Variants in ZNF292 observed in about 807,000 individuals in gnomAD.
ZNF292 encodes the protein zinc finger protein 292, also known as 16 zinc-finger domain protein.
Under a neutral mutation model 217.9 loss-of-function variants are expected in ZNF292, and 26 were observed. That is an observed-to-expected ratio of 0.12 (90% confidence interval 0.09 to 0.17). ZNF292 has a LOEUF of 0.17. ZNF292 is among the 10% of genes least tolerant of loss of function. The probability of loss-of-function intolerance (pLI) is 1.00; values close to 1 mark genes in which losing one functional copy is unlikely to be tolerated. For missense variants in ZNF292, 2,904 were observed against 3,175.2 expected, an observed-to-expected ratio of 0.91 and a Z score of 2.05; for synonymous variants, 1,257 against 1,124.1, an observed-to-expected ratio of 1.12 and a Z score of -2.37.
chr6:87,200,564 A>G (rs1772074564), intron 1 of ZNF292, among the ~76,000 whole-genome samples: 1 of 152,228 alleles, frequency 6.6e-6, no homozygotes, highest in African/African-American at 2.4e-5. Context: ...CTTTGTGCCA[A>G]GGCATCAATG....
rs142431750 is a variant in ZNF292 at position 87,176,474 on chromosome 6, T to C, written c.168+20715T>C. Among the ~76,000 whole-genome samples, 1,438 of 152,284 alleles carry C rather than the reference T, an allele frequency of 9.4e-3. 19 individuals carry two copies. The highest frequency in any genetic ancestry group is 0.033 in the African/African-American group (1,354 of 41,560). On this transcript the variant is annotated intron_variant, in intron 1 of 7. Transcript: ENST00000369577. ...GGAATGAGGGTCTTATGACTTACTT[T>C]AGGGGAAGGTCAGAAAATTGTTTTA...
chr6:87,265,475 C>T lies in ZNF292; in HGVS notation c.*3674C>T, dbSNP rs1296893651. ...ACCTCAGGTGATCACCCACCTCCAC[C>T]TCCCAAAGTGCAGGTATTACAAGCA... On this transcript the variant is annotated 3_prime_UTR_variant, in exon 8 of 8. Coordinates refer to ENST00000369577, the MANE Select transcript of ZNF292 (RefSeq NM_015021.3). Among the ~76,000 whole-genome samples, 2 of 152,156 alleles carry T rather than the reference C, an allele frequency of 1.3e-5. No homozygotes were observed. Among genetic ancestry groups the T allele is most frequent in the Non-Finnish European group, 2.9e-5 (2 of 68,024 alleles).
chr6:87,159,496 T>C (rs948554351), intron 1 of ZNF292, among the ~76,000 whole-genome samples: 6 of 106,544 alleles, frequency 5.6e-5, no homozygotes, highest in Non-Finnish European at 1.1e-4. Context: ...CTTTTCTTTC[T>C]TTTTTTTTTT....
In ZNF292 at chr6:87,255,667, G is replaced by C; in HGVS notation, c.2038G>C (p.Glu680Gln). Residue 680 changes from glutamate to glutamine, a missense_variant, in exon 8 of 8, where the codon GAA (glutamate) becomes CAA (glutamine). This residue lies in a region of ZNF292 where 216 missense variants were observed against 308.3 expected (regional missense o/e 0.70). Coordinates refer to ENST00000369577, the MANE Select transcript of ZNF292 (RefSeq NM_015021.3). ...IPVQKPVPVN[E>Q]FNCPVTFCKK... The stretch of plus-strand genomic sequence containing the variant: ...AGTCCAGAAACCAGTACCTGTTAAT[G>C]AATTTAATTGCCCTGTAACTTTTTG... 6.2e-7 allele frequency: 1 copy of C among 1,613,224 alleles called. No individual in the cohort carries two copies. The highest frequency in any genetic ancestry group is 8.5e-7 in the Non-Finnish European group (1 of 1,179,542).
intron 1 of ZNF292, among the ~76,000 whole-genome samples, chr6:87,214,289 T>A (rs1175936603): frequency 2.0e-5 from 3 of 152,214 alleles, no homozygotes; most frequent in Admixed American, 1.3e-4. Flanking sequence ...ATTCCCCTCT[T>A]CCCCAGCATC....
intron 1 of ZNF292, among the ~76,000 whole-genome samples, chr6:87,178,928 CTTAT>C (rs1418943603): frequency 1.3e-5 from 2 of 152,008 alleles, no homozygotes; most frequent in Non-Finnish European, 2.9e-5. Context: ...TAGTAATACC[CTTAT>C]TTAAGAATGT....
At position 87,261,183 on chromosome 6, in the gene ZNF292, C is replaced by G. The variant is rs1419532772; in HGVS notation, c.7554C>G (p.Asn2518Lys). The G allele has an allele frequency of 1.2e-6, 2 of 1,612,972 alleles. No homozygotes were observed. Among genetic ancestry groups the G allele is most frequent in the Non-Finnish European group, 8.5e-7 (1 of 1,179,532 alleles). ...TAAGTAATGATTTTCAGGAAGATAACCTCTGCCAGTCAGAAAGACAAAAAG... is the reference window on the plus strand; with the variant it reads ...TAAGTAATGATTTTCAGGAAGATAAGCTCTGCCAGTCAGAAAGACAAAAAG... ...SNVSNDFQED[N>K]LCQSERQKAS... Residue 2518 changes from asparagine (N) to lysine (K), a missense_variant, in exon 8 of 8, where the codon AAC (asparagine) becomes AAG (lysine). Physicochemically the swap from Asn to Lys is moderately conservative, Grantham distance 94 (BLOSUM62 0). Around this residue, in one of 15 missense-constraint regions of ZNF292, gnomAD observed 380 missense variants for 355.3 expected, o/e 1.07. Transcript: ENST00000369577.
intron 1 of ZNF292, among the ~76,000 whole-genome samples, chr6:87,176,722 C>T (rs1771308981): frequency 6.6e-6 from 1 of 152,126 alleles, no homozygotes; most frequent in African/African-American, 2.4e-5. Flanking sequence ...TTCCTGATGA[C>T]CTGGTTGATA....
Position 87,243,563 on chromosome 6 carries a change from C to T in ZNF292, c.830C>T (p.Thr277Ile). The T allele has an allele frequency of 6.4e-7, 1 of 1,557,240 alleles. No individual in the cohort carries two copies. Residue 277 changes from threonine to isoleucine, a missense_variant, in exon 6 of 8, where the codon ACT (threonine) becomes ATT (isoleucine). Thr to Ile is a moderately conservative substitution (Grantham distance 89). Around this residue, in one of 15 missense-constraint regions of ZNF292, gnomAD observed 313 missense variants for 451.0 expected, o/e 0.69. Coordinates refer to ENST00000369577, the MANE Select transcript of ZNF292 (RefSeq NM_015021.3). ...GAAAAAAGCGCTCTTGTTTTATGTA[C>T]TGCGTTTTTGTCACGTCAGCTCCAA... ...GDEKSALVLC[T>I]AFLSRQLQQG... is the part of the protein sequence containing the mutation.
chr6:87,246,618 A>G (rs181143257), intron 7 of ZNF292, among the ~76,000 whole-genome samples: 1 of 152,366 alleles, frequency 6.6e-6, no homozygotes, highest in East Asian at 1.9e-4. Flanking sequence ...TAGTCCCAGT[A>G]CTTTGGGAGG....
In ZNF292 at chr6:87,257,058, C is replaced by T; in HGVS notation, c.3429C>T (p.Asn1143=). ...AAAGTAAAAAAGGTCAGAAAGCTAA[C>T]AACTTAAATACACCAAATAATGGAA... The part of the protein sequence containing the change: ...QRKSKKGQKA[N]NLNTPNNGKF... Residue 1143 remains asparagine, a synonymous_variant, in exon 8 of 8, where the codon AAC becomes AAT. Transcript: ENST00000369577. The T allele has an allele frequency of 6.2e-7, 1 of 1,613,848 alleles. No individual in the cohort carries two copies. The highest frequency in any genetic ancestry group is 1.3e-5 in the African/African-American group (1 of 75,038).
chr6:87,257,103 A>G lies in ZNF292; in HGVS notation c.3474A>G (p.Pro1158=), dbSNP rs748243163. ...PNNGKFVYFL[P]SPVNSSNPFF... Reference sequence around the variant, plus strand: ...ATGGAAAGTTTGTTTATTTTTTGCCATCACCGGTGAACAGCTCAAATCCAT... The same window carrying G: ...ATGGAAAGTTTGTTTATTTTTTGCCGTCACCGGTGAACAGCTCAAATCCAT... The change falls in exon 8 of 8, where the codon CCA becomes CCG. Residue 1158 remains proline, a synonymous_variant. Transcript: ENST00000369577. The G allele has an allele frequency of 1.9e-6, 3 of 1,613,872 alleles. No homozygotes were observed. The highest frequency in any genetic ancestry group is 2.2e-5 in the East Asian group (1 of 44,886).
intron 1 of ZNF292, among the ~76,000 whole-genome samples, chr6:87,184,960 G>A (rs575641562): frequency 6.6e-6 from 1 of 152,268 alleles, no homozygotes; most frequent in African/African-American, 2.4e-5. Flanking sequence ...AATTGATGGT[G>A]CCACAGTGAG....
At chr6:87,238,825 G>A (rs1774040409) in intron 5 of ZNF292, among the ~76,000 whole-genome samples, 2 of 151,460 alleles carry the variant, frequency 1.3e-5, no homozygotes, top group Admixed American at 1.3e-4. Context: ...AGAGGACCCT[G>A]GGGCCTTCCG....
At chr6:87,214,524 A>G (rs1428795835) in intron 1 of ZNF292, among the ~76,000 whole-genome samples, 1 of 152,040 alleles carries the variant, frequency 6.6e-6, no homozygotes, top group Non-Finnish European at 1.5e-5. Context: ...TTTTTCCTGG[A>G]TATCTGAGAA....
intron 5 of ZNF292, 64 bp from the exon 6 acceptor site, chr6:87,243,411 T>G: frequency 7.6e-7 from 1 of 1,319,156 alleles, no homozygotes; most frequent in East Asian, 2.6e-5. Context: ...AAACTAAAGG[T>G]ATATTGCTCT....
At chr6:87,215,325 C>T (rs1045655697) in intron 1 of ZNF292, among the ~76,000 whole-genome samples, 1 of 151,782 alleles carries the variant, frequency 6.6e-6, no homozygotes, top group African/African-American at 2.4e-5. Flanking sequence ...ATTACTTAAC[C>T]TTATAATAAT....
At chr6:87,196,789 C>T (rs79268981) in intron 1 of ZNF292, among the ~76,000 whole-genome samples, 4,601 of 152,198 alleles carry the variant, frequency 0.03, 80 homozygotes, top group Middle Eastern at 0.075. Flanking sequence ...TGAGAGACTG[C>T]GTATTTAGTC....
At position 87,256,361 on chromosome 6, in the gene ZNF292, G is replaced by A; in HGVS notation, c.2732G>A (p.Arg911Lys). 6.2e-7 allele frequency: 1 copy of A among 1,611,058 alleles called. No individual in the cohort carries two copies. Among genetic ancestry groups the A allele is most frequent in the African/African-American group, 1.3e-5 (1 of 75,048 alleles). Residue 911 changes from arginine (R) to lysine (K), a missense_variant, in exon 8 of 8, where the codon AGG becomes AAG. Around this residue, in one of 15 missense-constraint regions of ZNF292, gnomAD observed 687 missense variants for 623.0 expected, o/e 1.10. Transcript: ENST00000369577. ...GACCAGATTTCTGCCTCTGAGCTCAGGCAAGCTAATGGACCATTGTCAAAT... is the reference window on the plus strand; with the variant it reads ...GACCAGATTTCTGCCTCTGAGCTCAAGCAAGCTAATGGACCATTGTCAAAT... ...KQDQISASEL[R>K]QANGPLSNGL...
Sources: gnomAD v4.1 joint callset for allele counts (sites outside exome capture counted in the v4.1 genomes callset) on GRCh38, gnomAD v4.1.1 for gene constraint, gnomAD v4.1.1 regional missense constraint, MANE v1.5 for transcripts, NCBI Gene and HGNC (gene_info 2026-07-23, HGNC 2026-07-21) for gene names.